Variants in SARDH observed in about 807,000 individuals in gnomAD.
SARDH encodes the protein sarcosine dehydrogenase.
SARDH carries 95 observed loss-of-function variants against 109.1 expected under a neutral mutation model. The observed-to-expected ratio is 0.87, with a 90% CI of 0.74 to 1.03. SARDH has a LOEUF of 1.03. SARDH is among the 50% of genes least tolerant of loss of function. SARDH has a pLI of 0.00. For missense variants in SARDH, 1,267 were observed against 1,287.8 expected (o/e 0.98, Z 0.25); for synonymous variants, 572 against 534.8 (o/e 1.07, Z -0.96).
chr9:133,705,110 T>G, intron 11 of SARDH, 79 bp from the exon 12 acceptor site: 1 of 1,399,238 alleles, frequency 7.1e-7, no homozygotes, highest in South Asian at 1.2e-5. Flanking sequence ...CATCCGCCAC[T>G]TTACACCCAA....
At chr9:133,664,478 G>C (rs952556730) in intron 20 of SARDH, among the ~76,000 whole-genome samples, 2 of 152,178 alleles carry the variant, frequency 1.3e-5, no homozygotes, top group Non-Finnish European at 2.9e-5. Context: ...CCTGGCTCGG[G>C]CTCCCCAGCA....
chr9:133,710,722 G>A (rs1291401452), intron 10 of SARDH, among the ~76,000 whole-genome samples: 1 of 152,290 alleles, frequency 6.6e-6, no homozygotes, highest in Non-Finnish European at 1.5e-5. Flanking sequence ...CCCGGGCGCA[G>A]GCCCGAGGTG....
chr9:133,721,586 G>A (rs1204054979), intron 6 of SARDH, among the ~76,000 whole-genome samples: 1 of 152,202 alleles, frequency 6.6e-6, no homozygotes, highest in East Asian at 1.9e-4. Flanking sequence ...GTCCAAAAGG[G>A]AGCGGAAGAT....
chr9:133,682,260 C>T (rs912015271), intron 17 of SARDH, among the ~76,000 whole-genome samples: 1 of 152,142 alleles, frequency 6.6e-6, no homozygotes, highest in African/African-American at 2.4e-5. Context: ...TCTCGGGGAA[C>T]GTTCAAAGGA....
intron 17 of SARDH, among the ~76,000 whole-genome samples, chr9:133,671,937 T>C (rs1031713633): frequency 6.6e-6 from 1 of 152,336 alleles, no homozygotes; most frequent in African/African-American, 2.4e-5. Context: ...GCAGGTTTGC[T>C]ATCTGCAGAC....
chr9:133,670,667 C>G lies in SARDH; in HGVS notation c.2412G>C (p.Pro804=), dbSNP rs763155594. 1 of 1,601,536 alleles carries G rather than the reference C, an allele frequency of 6.2e-7. No homozygotes were observed. Among genetic ancestry groups the G allele is most frequent in the African/African-American group, 1.3e-5 (1 of 74,748 alleles). The change falls in exon 19 of 21, where the codon CCG becomes CCC. Residue 804 remains proline, a synonymous_variant. Coordinates refer to ENST00000439388, the MANE Select transcript of SARDH (RefSeq NM_001134707.2). ...GLAFTCKLKS[P]VPFLGREALE... Reference sequence around the variant, plus strand: ...GGGCCTCCCTCCCCAGGAAGGGCACCGGCGACTTGAGCTTGCAGGTGAAGG... The same window carrying G: ...GGGCCTCCCTCCCCAGGAAGGGCACGGGCGACTTGAGCTTGCAGGTGAAGG...
At chr9:133,734,262 A>G (rs908308489) in intron 1 of SARDH, 59 bp from the exon 2 acceptor site, 2 of 1,230,008 alleles carry the variant, frequency 1.6e-6, no homozygotes, top group Non-Finnish European at 2.2e-6. Flanking sequence ...GGCTGTGCTG[A>G]GTACCCAGGG....
chr9:133,669,356 T>A (rs1830252989), intron 19 of SARDH, among the ~76,000 whole-genome samples: 1 of 114,678 alleles, frequency 8.7e-6, no homozygotes, highest in African/African-American at 3.6e-5. Context: ...CCTCCCCTCG[T>A]CACTCTGACA....
chr9:133,694,257 C>A lies in SARDH; in HGVS notation c.1921+1G>T. Reference sequence around the variant, plus strand: ...GCCGTGTGCACAGAGGCATCCCATACCTTCAAAGGCGGGGGCCAGCGGGGA... The same window carrying A: ...GCCGTGTGCACAGAGGCATCCCATAACTTCAAAGGCGGGGGCCAGCGGGGA... On this transcript the variant is annotated splice_donor_variant, in intron 15 of 20. Coordinates refer to ENST00000439388, the MANE Select transcript of SARDH (RefSeq NM_001134707.2). LOFTEE classifies it high-confidence loss of function. 6.5e-7 allele frequency: 1 copy of A among 1,546,220 alleles called. No individual in the cohort carries two copies. Among genetic ancestry groups the A allele is most frequent in the Non-Finnish European group, 8.7e-7 (1 of 1,143,408 alleles).
chr9:133,702,641 C>T (rs2131414550), intron 13 of SARDH, among the ~76,000 whole-genome samples: 1 of 152,354 alleles, frequency 6.6e-6, no homozygotes, highest in African/African-American at 2.4e-5. Context: ...CGGGCCCCAG[C>T]CCGTTGCCTC....
chr9:133,683,494 G>A (rs1236622165), intron 17 of SARDH, among the ~76,000 whole-genome samples: 1 of 152,248 alleles, frequency 6.6e-6, no homozygotes, highest in Admixed American at 6.5e-5. Context: ...TGCTGGAGCT[G>A]GAGTCGGGCC....
chr9:133,663,812 G>T lies in SARDH; in HGVS notation c.*77C>A. 6.3e-7 allele frequency: 1 copy of T among 1,579,158 alleles called. No individual in the cohort carries two copies. The highest frequency in any genetic ancestry group is 8.6e-7 in the Non-Finnish European group (1 of 1,158,132). On this transcript the variant is annotated 3_prime_UTR_variant, in exon 21 of 21. Transcript: ENST00000439388. ...AGGGCACAAGTTCTGGCTGGGTCCA[G>T]GGTCCTGGGACCCAGGGCCATTTGG...
At chr9:133,680,755 G>A (rs575298829) in intron 17 of SARDH, among the ~76,000 whole-genome samples, 31 of 148,882 alleles carry the variant, frequency 2.1e-4, no homozygotes, top group Non-Finnish European at 4.0e-4. Context: ...AGACCTGGCC[G>A]CCAGGCCCAC....
downstream of SARDH, among the ~76,000 whole-genome samples, chr9:133,662,224 T>C (rs974618950): frequency 3.9e-5 from 6 of 152,038 alleles, no homozygotes; most frequent in Non-Finnish European, 8.8e-5. The surrounding 1 kb of genome is among the most constrained non-coding windows in gnomAD (Gnocchi z 5.1). Flanking sequence ...GGTGGTGCCG[T>C]TGCGTGCATT....
At chr9:133,703,223 G>T in intron 12 of SARDH, 194 bp from the exon 13 acceptor site, 1 of 589,776 alleles carries the variant, frequency 1.7e-6, no homozygotes, top group Non-Finnish European at 3.0e-6. Context: ...GAGGCACAAA[G>T]GAGGCCGCAG....
chr9:133,714,312 T>C (rs1029829958), intron 8 of SARDH, among the ~76,000 whole-genome samples: 1 of 151,994 alleles, frequency 6.6e-6, no homozygotes, highest in Non-Finnish European at 1.5e-5. Context: ...GAGGCAGGGC[T>C]CCTTGAGGGG....
intron 17 of SARDH, among the ~76,000 whole-genome samples, chr9:133,682,437 G>A (rs1453694144): frequency 6.6e-6 from 1 of 152,196 alleles, no homozygotes; most frequent in African/African-American, 2.4e-5. Context: ...GATTAGAGGG[G>A]TTTTCGCTAA....
intron 14 of SARDH, among the ~76,000 whole-genome samples, chr9:133,695,441 TCAAAACAAAA>T (rs950975431): frequency 6.6e-6 from 1 of 152,098 alleles, no homozygotes; most frequent in Non-Finnish European, 1.5e-5. Flanking sequence ...AGACTCCGTC[TCAAAACAAAA>T]CAAAACAAAA....
rs1221513765 is a variant in SARDH at position 133,718,627 on chromosome 9, C to G, written c.1020+311G>C. The G allele has an allele frequency of 1.3e-6, 1 of 775,606 alleles. No individual in the cohort carries two copies. Among genetic ancestry groups the G allele is most frequent in the African/African-American group, 1.7e-5 (1 of 59,116 alleles). The allele number at this position is 775,606 out of a possible 1,614,324, so 48.0% of individuals were successfully genotyped here. A position where few individuals can be genotyped will look rare whatever the true frequency, so the allele number is the denominator to read the frequency against. Reference sequence around the variant, plus strand: ...CAGCAGCTGGTTGGGAGGGCAGTGTCATTTGCTGAAGGACGTAGGACTTGT... The same window carrying G: ...CAGCAGCTGGTTGGGAGGGCAGTGTGATTTGCTGAAGGACGTAGGACTTGT... On this transcript the variant is annotated intron_variant, in intron 7 of 20. Coordinates refer to ENST00000439388, the MANE Select transcript of SARDH (RefSeq NM_001134707.2). This position sits in a 1 kb window ranked among gnomAD's most constrained non-coding sequence, Gnocchi z 4.2.
Sources: gnomAD v4.1 joint callset for allele counts (sites outside exome capture counted in the v4.1 genomes callset) on GRCh38, gnomAD v4.1.1 for gene constraint, Gnocchi (gnomAD v3.1) non-coding constraint, MANE v1.5 for transcripts, NCBI Gene and HGNC (gene_info 2026-07-23, HGNC 2026-07-21) for gene names.